Variants in PRKG1 observed in about 807,000 individuals in gnomAD.
PRKG1 encodes protein kinase cGMP-dependent 1, also known as cGMP-dependent protein kinase 1.
A neutral mutation model predicts 88.1 loss-of-function variants in PRKG1; 35 were observed. The ratio of observed to expected loss-of-function variants is 0.40; its 90% CI spans 0.30 to 0.53. PRKG1 has a LOEUF of 0.53. PRKG1 is among the 20% of genes least tolerant of loss of function. PRKG1 has a pLI of 0.59. For synonymous variants in PRKG1, 303 were observed against 292.5 expected (o/e 1.04, Z -0.37); for missense variants, 540 against 839.8 (o/e 0.64, Z 4.41).
chr10:51,956,001 T>C (rs1025120373), intron 5 of PRKG1, among the ~76,000 whole-genome samples: 6 of 152,114 alleles, frequency 3.9e-5, no homozygotes, highest in Non-Finnish European at 8.8e-5. Flanking sequence ...GGGAAAAAGA[T>C]TGATGAAGAA....
chr10:52,087,179 C>T (rs1201959475), intron 7 of PRKG1, among the ~76,000 whole-genome samples: 1 of 152,168 alleles, frequency 6.6e-6, no homozygotes, highest in Non-Finnish European at 1.5e-5. Context: ...GGGATTTGTT[C>T]CGTAAAGCCT....
chr10:52,029,396 G>T (rs1334363585), intron 5 of PRKG1, among the ~76,000 whole-genome samples: 2 of 151,962 alleles, frequency 1.3e-5, no homozygotes, highest in African/African-American at 4.8e-5. Flanking sequence ...TCTCCACCAA[G>T]CTCACAGTAA....
intron 1 of PRKG1, among the ~76,000 whole-genome samples, chr10:51,138,872 C>T (rs536763937): frequency 5.3e-5 from 8 of 151,514 alleles, no homozygotes; most frequent in East Asian, 1.9e-4. Context: ...TTAGTAGAGA[C>T]GGGGTTTCAC....
chr10:51,417,165 T>G (rs1366406095), intron 2 of PRKG1, among the ~76,000 whole-genome samples: 1 of 152,160 alleles, frequency 6.6e-6, no homozygotes. Context: ...GAAACCAATA[T>G]CAACTGACAT....
intron 1 of PRKG1, among the ~76,000 whole-genome samples, chr10:51,064,343 A>G (rs751346101): frequency 6.6e-6 from 1 of 152,080 alleles, no homozygotes; most frequent in Non-Finnish European, 1.5e-5. Flanking sequence ...TTACATTCAC[A>G]TGGTTATTAA....
chr10:51,668,613 T>C (rs935774543), intron 3 of PRKG1, among the ~76,000 whole-genome samples: 2 of 152,174 alleles, frequency 1.3e-5, no homozygotes, highest in Admixed American at 6.5e-5. Context: ...ATACATGTGA[T>C]GGACACAGCT....
intron 2 of PRKG1, among the ~76,000 whole-genome samples, chr10:51,332,412 A>G (rs934783730): frequency 5.3e-5 from 8 of 150,856 alleles, no homozygotes; most frequent in Non-Finnish European, 8.9e-5. Flanking sequence ...CTCCACCTAA[A>G]AAAATCACAC....
At chr10:51,488,571 T>C (rs1840611546) in intron 3 of PRKG1, among the ~76,000 whole-genome samples, 1 of 152,150 alleles carries the variant, frequency 6.6e-6, no homozygotes, top group Non-Finnish European at 1.5e-5. Flanking sequence ...TAGATGATGT[T>C]TGTGCAGACC....
rs1346279245 is a variant in PRKG1 at position 52,224,595 on chromosome 10, AC to A, written c.1077-26973del. On this transcript the variant is annotated intron_variant, in intron 9 of 17. Coordinates refer to ENST00000373980, the MANE Select transcript of PRKG1 (RefSeq NM_006258.4). ...ATATTTGTAGTCTATCCTTCGCCCC[AC>A]CTCCGACTCTTCCCCCCAAGTCCCC... 2.0e-4 allele frequency among the ~76,000 whole-genome samples: 4 copies of A among 20,200 alleles called. No homozygotes were observed. In the Admixed American group the frequency reaches 2.0e-3, roughly 10 times the overall value. The allele number at this position is 20,200 out of a possible 152,430, so 13.3% of individuals were successfully genotyped here.
intron 2 of PRKG1, among the ~76,000 whole-genome samples, chr10:51,311,964 C>G (rs996894678): frequency 6.6e-6 from 1 of 152,076 alleles, no homozygotes; most frequent in African/African-American, 2.4e-5. Flanking sequence ...CTCTGCCTCC[C>G]GGGTTCAAGT....
At chr10:52,059,717 CTA>C (rs1216440829) in intron 6 of PRKG1, among the ~76,000 whole-genome samples, 1 of 151,376 alleles carries the variant, frequency 6.6e-6, no homozygotes, top group Admixed American at 6.6e-5. Flanking sequence ...TTAGACAAAT[CTA>C]TCCATGTGTT....
chr10:51,135,335 T>A (rs534222405), intron 1 of PRKG1, among the ~76,000 whole-genome samples: 1 of 152,198 alleles, frequency 6.6e-6, no homozygotes, highest in East Asian at 1.9e-4. Context: ...TTCTTTTTGA[T>A]AAATTAAAAG....
intron 8 of PRKG1, among the ~76,000 whole-genome samples, chr10:52,144,013 A>G (rs1257801980): frequency 1.3e-5 from 2 of 152,180 alleles, no homozygotes; most frequent in African/African-American, 2.4e-5. Context: ...CTTGGGGAAC[A>G]TTGAGGATGG....
At chr10:51,619,397 T>C (rs1444323168) in intron 3 of PRKG1, among the ~76,000 whole-genome samples, 1 of 152,186 alleles carries the variant, frequency 6.6e-6, no homozygotes, top group Non-Finnish European at 1.5e-5. Context: ...TGACTGGGTC[T>C]TTCCCCATTA....
chr10:51,993,992 A>G (rs181817793), intron 5 of PRKG1, among the ~76,000 whole-genome samples: 1 of 152,268 alleles, frequency 6.6e-6, no homozygotes, highest in East Asian at 1.9e-4. Context: ...CAGTCTAAAG[A>G]AATGGCATAG....
At chr10:51,313,697 CG>C (rs1841250076) in intron 2 of PRKG1, among the ~76,000 whole-genome samples, 1 of 152,078 alleles carries the variant, frequency 6.6e-6, no homozygotes, top group African/African-American at 2.4e-5. Context: ...GGACCCAGAG[CG>C]GGTACCAAAA....
At chr10:51,097,079 A>G (rs1844547809) in intron 1 of PRKG1, among the ~76,000 whole-genome samples, 1 of 152,162 alleles carries the variant, frequency 6.6e-6, no homozygotes. Flanking sequence ...TCAGCCTAGC[A>G]GTCTGTTCCC....
chr10:52,013,330 A>G (rs1471888596), intron 5 of PRKG1, among the ~76,000 whole-genome samples: 1 of 151,990 alleles, frequency 6.6e-6, no homozygotes, highest in Non-Finnish European at 1.5e-5. Context: ...GCGGCAGGAG[A>G]ATGGTGTGAA....
chr10:51,643,389 A>G (rs1421746156), intron 3 of PRKG1, among the ~76,000 whole-genome samples: 4 of 152,210 alleles, frequency 2.6e-5, no homozygotes, highest in Non-Finnish European at 2.9e-5. Flanking sequence ...CTGAATTTCC[A>G]TGCTAATTTA....
Sources: allele counts gnomAD v4.1 joint callset (sites outside exome capture counted in the v4.1 genomes callset), GRCh38; gene constraint gnomAD v4.1.1; transcripts MANE v1.5; gene names NCBI Gene and HGNC (gene_info 2026-07-23, HGNC 2026-07-21).